Variants in DPYSL4 observed in about 807,000 individuals in gnomAD.
DPYSL4 encodes the protein dihydropyrimidinase like 4, also known as dihydropyrimidinase-related protein 4.
Under a neutral mutation model 63.4 loss-of-function variants are expected in DPYSL4, and 43 were observed. That is an observed-to-expected ratio of 0.68 (90% CI 0.53 to 0.88). The LOEUF (loss-of-function observed/expected upper bound fraction) is 0.88, where lower values mean the gene tolerates loss of function less well. DPYSL4 is among the 40% of genes least tolerant of loss of function. The probability of loss-of-function intolerance (pLI) is 0.00; values close to 1 mark genes in which losing one functional copy is unlikely to be tolerated. For missense variants in DPYSL4, 733 were observed against 819.5 expected, an observed-to-expected ratio of 0.89 and a Z score of 1.29; for synonymous variants, 353 against 331.7, an observed-to-expected ratio of 1.06 and a Z score of -0.70.
chr10:132,192,910 G>T, intron 3 of DPYSL4, 68 bp downstream of exon 3: 1 of 1,481,290 alleles, frequency 6.8e-7, no homozygotes. Context: ...CTGGCCAGGT[G>T]TGTGTGGGAG....
Position 132,194,945 on chromosome 10 carries a change from C to A in DPYSL4, c.414C>A (p.His138Gln). Residue 138 changes from histidine to glutamine, a missense_variant, in exon 4 of 14, where the codon CAC becomes CAA. Coordinates refer to ENST00000338492, the MANE Select transcript of DPYSL4 (RefSeq NM_006426.3). Reference sequence around the variant, plus strand: ...CGGCCTGCTGCGACTACTCCCTGCACGTGGACATCACCCGATGGCATGAGA... The same window carrying A: ...CGGCCTGCTGCGACTACTCCCTGCAAGTGGACATCACCCGATGGCATGAGA... ...DSAACCDYSL[H>Q]VDITRWHESI... 6.2e-7 allele frequency: 1 copy of A among 1,611,782 alleles called. No homozygotes were observed. Among genetic ancestry groups the A allele is most frequent in the South Asian group, 1.1e-5 (1 of 91,064 alleles).
intron 1 of DPYSL4, 22 bp from the exon 2 acceptor site, chr10:132,190,725 T>C: frequency 6.2e-7 from 1 of 1,604,312 alleles, no homozygotes; most frequent in Admixed American, 1.7e-5. Flanking sequence ...GGAGAAAAAT[T>C]ACCCTTTGTT....
Position 132,198,472 on chromosome 10 carries a change from C to A in DPYSL4, c.679C>A (p.His227Asn), listed in dbSNP as rs759349278. ...ITGPEGHVLS[H>N]PEEVEAEAVY... Reference sequence around the variant, plus strand: ...TGGCCCCGAGGGCCACGTGCTCAGCCACCCCGAGGAGGTAAGATCCCAGGG... The same window carrying A: ...TGGCCCCGAGGGCCACGTGCTCAGCAACCCCGAGGAGGTAAGATCCCAGGG... The change falls in exon 7 of 14, where the codon CAC (histidine) becomes AAC (asparagine). Residue 227 changes from histidine to asparagine, a missense_variant. Physicochemically the swap from His to Asn is moderately conservative, Grantham distance 68 (BLOSUM62 1). Coordinates refer to ENST00000338492, the MANE Select transcript of DPYSL4 (RefSeq NM_006426.3). The A allele has an allele frequency of 3.7e-6, 6 of 1,603,548 alleles. No individual in the cohort carries two copies. Among genetic ancestry groups the A allele is most frequent in the Non-Finnish European group, 5.1e-6 (6 of 1,177,456 alleles).
At chr10:132,191,030 T>C (rs2137500830) in intron 2 of DPYSL4, among the ~76,000 whole-genome samples, 195 bp downstream of exon 2, 2 of 149,114 alleles carry the variant, frequency 1.3e-5, no homozygotes, top group Middle Eastern at 7.1e-3. Context: ...GAAAGTATGT[T>C]CCCAGCTCGT....
chr10:132,189,294 C>T (rs1590087692), intron 1 of DPYSL4, among the ~76,000 whole-genome samples: 1 of 152,226 alleles, frequency 6.6e-6, no homozygotes, highest in East Asian at 1.9e-4. Context: ...GCGCGTCCTT[C>T]TCCACCTCCT....
At chr10:132,197,123 GT>G (rs2061956419) in intron 6 of DPYSL4, 22 bp downstream of exon 6, 1 of 1,478,008 alleles carries the variant, frequency 6.8e-7, no homozygotes, top group Non-Finnish European at 9.0e-7. Context: ...CAGGGCTGCC[GT>G]GGGGCAGGCA....
In DPYSL4 at chr10:132,204,996, C is replaced by A; in HGVS notation, c.*66C>A. Reference sequence around the variant, plus strand: ...GAGGCCGCGGGGGCCCCAGGGCACTCGCCCCCCTCCTTAGCATTTTCTTTT... The same window carrying A: ...GAGGCCGCGGGGGCCCCAGGGCACTAGCCCCCCTCCTTAGCATTTTCTTTT... On this transcript the variant is annotated 3_prime_UTR_variant, in exon 14 of 14. Coordinates refer to ENST00000338492, the MANE Select transcript of DPYSL4 (RefSeq NM_006426.3). 1.5e-6 allele frequency: 2 copies of A among 1,294,374 alleles called. No homozygotes were observed. The highest frequency in any genetic ancestry group is 1.4e-5 in the South Asian group (1 of 70,112). 80.2% of individuals were successfully genotyped at this position (1,294,374 alleles called of 1,614,324 possible). A position where few individuals can be genotyped will look rare whatever the true frequency, so the allele number is the denominator to read the frequency against.
intron 6 of DPYSL4, among the ~76,000 whole-genome samples, chr10:132,197,413 G>A (rs925039890): frequency 3.9e-5 from 6 of 152,226 alleles, no homozygotes; most frequent in African/African-American, 1.4e-4. Context: ...GTGGAGCGGG[G>A]TACCCGCTGG....
At chr10:132,198,727 C>A in intron 7 of DPYSL4, 124 bp from the exon 8 acceptor site, 1 of 1,434,418 alleles carries the variant, frequency 7.0e-7, no homozygotes, top group Non-Finnish European at 9.4e-7. Context: ...CGAGGCTGGG[C>A]CGCTCCTACT....
chr10:132,198,800 C>A (rs752631686), intron 7 of DPYSL4, 51 bp from the exon 8 acceptor site: 2 of 1,604,188 alleles, frequency 1.2e-6, no homozygotes, highest in African/African-American at 1.3e-5. Flanking sequence ...CCACACTGGT[C>A]TGGAGCCCCA....
intron 8 of DPYSL4, among the ~76,000 whole-genome samples, chr10:132,199,919 C>T (rs1470833922): frequency 3.3e-5 from 5 of 152,014 alleles, no homozygotes; most frequent in Non-Finnish European, 5.9e-5. Context: ...GGGGGTGCCC[C>T]ACCCCACCTG....
chr10:132,198,709 ACT>A, intron 7 of DPYSL4, 140 bp from the exon 8 acceptor site: 2 of 1,317,054 alleles, frequency 1.5e-6, no homozygotes, highest in Non-Finnish European at 2.1e-6. Flanking sequence ...AGGCCCAGGC[ACT>A]GAGCCCGAGG....
rs201847194 is a variant in DPYSL4 at position 132,195,041 on chromosome 10, C to A, written c.478+32C>A. On this transcript the variant is annotated intron_variant, in intron 4 of 13. Transcript: ENST00000338492. ...GTGGCTGGAGGGGCTGGAGGGCGGGCATGGAGCCTGGTGGAGGAGCCTCTG... is the reference window on the plus strand; with the variant it reads ...GTGGCTGGAGGGGCTGGAGGGCGGGAATGGAGCCTGGTGGAGGAGCCTCTG... The A allele has an allele frequency of 1.7e-5, 27 of 1,586,046 alleles. No individual in the cohort carries two copies. The African/African-American group carries it at 3.1e-4, about 18-fold the overall frequency.
At chr10:132,203,290 C>A (rs1039956348) in intron 12 of DPYSL4, among the ~76,000 whole-genome samples, 5 of 146,602 alleles carry the variant, frequency 3.4e-5, no homozygotes, top group Admixed American at 6.8e-5. Context: ...GCCCCCCCCC[C>A]ATGGCCTTCC....
At chr10:132,199,626 G>A (rs1259905135) in intron 8 of DPYSL4, among the ~76,000 whole-genome samples, 1 of 148,398 alleles carries the variant, frequency 6.7e-6, no homozygotes, top group Non-Finnish European at 1.5e-5. Context: ...TCCGCACTGA[G>A]TCCTGAGAGA....
intron 8 of DPYSL4, among the ~76,000 whole-genome samples, chr10:132,199,416 G>A (rs1430499544): frequency 6.6e-6 from 1 of 152,130 alleles, no homozygotes; most frequent in East Asian, 1.9e-4. Flanking sequence ...GCGGGGGGGT[G>A]CCACCCAGAG....
Position 132,202,005 on chromosome 10 carries a change from A to G in DPYSL4, c.1170A>G (p.Lys390=). ...CGGTGACCAGTACAAATGCTGCCAA[A>G]ATCTTCAATTTTTACCCAAGGAAGG... ...FVAVTSTNAA[K]IFNFYPRKGR... is the part of the protein sequence containing the mutation. The change falls in exon 11 of 14, where the codon AAA becomes AAG. Residue 390 remains lysine (K), a synonymous_variant. Transcript: ENST00000338492. The G allele has an allele frequency of 6.2e-7, 1 of 1,613,286 alleles. No homozygotes were observed. The highest frequency in any genetic ancestry group is 8.5e-7 in the Non-Finnish European group (1 of 1,179,964).
At chr10:132,188,880 G>A (rs2061837158) in intron 1 of DPYSL4, among the ~76,000 whole-genome samples, 1 of 152,232 alleles carries the variant, frequency 6.6e-6, no homozygotes, top group Non-Finnish European at 1.5e-5. Context: ...TGTATGAAGA[G>A]AGGTAGAGGG....
intron 6 of DPYSL4, 25 bp from the exon 7 acceptor site, chr10:132,198,390 C>T (rs746046122): frequency 5.6e-6 from 9 of 1,595,288 alleles, no homozygotes; most frequent in South Asian, 3.4e-5. Context: ...GGGCTTGGAG[C>T]GAGGCATCCT....
Sources: allele counts gnomAD v4.1 joint callset (sites outside exome capture counted in the v4.1 genomes callset), GRCh38; gene constraint gnomAD v4.1.1; transcripts MANE v1.5; gene names NCBI Gene and HGNC (gene_info 2026-07-23, HGNC 2026-07-21).